The following MANBA variants were observed in gnomAD, a reference collection of about 807,000 sequenced individuals.
The protein encoded by MANBA is beta-mannosidase.
Under a neutral mutation model 111.1 loss-of-function variants are expected in MANBA, and 83 were observed. The observed-to-expected ratio is 0.75, with a 90% CI of 0.63 to 0.90. The LOEUF (loss-of-function observed/expected upper bound fraction) is 0.90. Ranked by LOEUF, MANBA falls within the 40% of genes least tolerant of loss-of-function variation. The pLI, the probability that MANBA is intolerant of heterozygous loss-of-function variation, is 0.00. For synonymous variants in MANBA, 370 were observed against 378.7 expected (o/e 0.98, Z 0.27); for missense variants, 1,036 against 1,069.0 (o/e 0.97, Z 0.43).
At position 102,714,553 on chromosome 4, in the gene MANBA, A is replaced by T. The variant is rs150166954; in HGVS notation, c.558T>A (p.Cys186Ter). ...CHVNFVRKEQ[C>*]SFSWDWGPSF... ...AAGGCCCCCAGTCCCAACTAAAGGA[A>T]CATTGCTCCTGCAATTTCAAGGAGA... is the stretch of plus-strand genomic sequence containing the variant. The change falls in exon 5 of 17, where the codon TGT becomes TGA. Residue 186 changes from cysteine to a stop codon, truncating the protein, a stop_gained. Coordinates refer to ENST00000647097, the MANE Select transcript of MANBA (RefSeq NM_005908.4). LOFTEE classifies it high-confidence loss of function. 3.7e-6 allele frequency: 6 copies of T among 1,608,398 alleles called. No homozygotes were observed. The highest frequency in any genetic ancestry group is 5.1e-6 in the Non-Finnish European group (6 of 1,174,792).
chr4:102,728,902 G>C (rs1722916375), intron 1 of MANBA: 3 of 752,794 alleles, frequency 4.0e-6, no homozygotes, highest in Non-Finnish European at 7.1e-6. Context: ...CACAGGCCGA[G>C]CTCAGATCAC....
intron 5 of MANBA, among the ~76,000 whole-genome samples, chr4:102,691,264 A>C (rs1480883812): frequency 1.3e-5 from 2 of 152,138 alleles, no homozygotes; most frequent in Non-Finnish European, 2.9e-5. Flanking sequence ...AAATGTAGAT[A>C]ATTTATCCAA....
rs536117119 is a variant in MANBA, at chr4:102,673,423, G to A, written c.1112+496C>T. ...CTTGGGAGGCTGAGGCAGGAGAATCGCTTGAGCCTGGGAGGCGGAGGTTGC... is the reference window on the plus strand; with the variant it reads ...CTTGGGAGGCTGAGGCAGGAGAATCACTTGAGCCTGGGAGGCGGAGGTTGC... On this transcript the variant is annotated intron_variant, in intron 8 of 16. Transcript: ENST00000647097. Among the ~76,000 whole-genome samples, 39 of 151,718 alleles carry A rather than the reference G, an allele frequency of 2.6e-4. 1 individual carries two copies. Among genetic ancestry groups the A allele is most frequent in the South Asian group, 2.1e-3 (10 of 4,794 alleles).
intron 4 of MANBA, among the ~76,000 whole-genome samples, chr4:102,715,304 T>C (rs1023923460): frequency 6.6e-6 from 1 of 151,946 alleles, no homozygotes; most frequent in Admixed American, 6.6e-5. Context: ...ACAAGTGAGC[T>C]CAGAAACAGA....
intron 5 of MANBA, among the ~76,000 whole-genome samples, chr4:102,698,932 A>G (rs1372360021): frequency 2.1e-4 from 32 of 152,306 alleles, no homozygotes; most frequent in Middle Eastern, 3.4e-3. Context: ...CATTGAATCT[A>G]TAAATTACCT....
At chr4:102,728,738 G>T in intron 1 of MANBA, 2 of 839,922 alleles carry the variant, frequency 2.4e-6, no homozygotes, top group South Asian at 1.5e-5. Context: ...AGGGGCTGCC[G>T]CAGCTGTTCA....
In MANBA at chr4:102,701,195, T is replaced by C. The variant is rs1733021258; in HGVS notation, c.674-10424A>G. On this transcript the variant is annotated intron_variant, in intron 5 of 16. Coordinates refer to ENST00000647097, the MANE Select transcript of MANBA (RefSeq NM_005908.4). ...TAGGATTGCAACCCCTGCCTTTTTTTGTTTTCCATTTGCTTGGTAGATCTT... is the reference window on the plus strand; with the variant it reads ...TAGGATTGCAACCCCTGCCTTTTTTCGTTTTCCATTTGCTTGGTAGATCTT... Among the ~76,000 whole-genome samples, 4 of 151,906 alleles carry C rather than the reference T, an allele frequency of 2.6e-5. No homozygotes were observed. The South Asian group carries it at 8.3e-4, about 32-fold the overall frequency.
intron 13 of MANBA, among the ~76,000 whole-genome samples, chr4:102,643,737 G>C (rs569014939): frequency 2.6e-5 from 4 of 152,104 alleles, no homozygotes; most frequent in African/African-American, 9.6e-5. Context: ...TTTCAATTGG[G>C]TTGTCTTTTT....
intron 10 of MANBA, chr4:102,666,038 G>C (rs886904816): frequency 6.6e-6 from 1 of 152,160 alleles, no homozygotes; most frequent in Non-Finnish European, 1.5e-5. Flanking sequence ...GCCCAAGAAA[G>C]GGACAGCTGC....
At chr4:102,730,514 A>C in intron 1 of MANBA, 1 of 531,004 alleles carries the variant, frequency 1.9e-6, no homozygotes, top group South Asian at 1.4e-5. Flanking sequence ...AACAACATTG[A>C]TTCTACATCT....
intron 1 of MANBA, among the ~76,000 whole-genome samples, chr4:102,749,113 A>AT (rs1723694037): frequency 6.6e-6 from 1 of 152,198 alleles, no homozygotes; most frequent in Admixed American, 6.5e-5. Flanking sequence ...AGAAAAAAAA[A>AT]CAAAAAACTG....
intron 13 of MANBA, among the ~76,000 whole-genome samples, chr4:102,643,949 G>A (rs1729992272): frequency 6.6e-6 from 1 of 151,888 alleles, no homozygotes; most frequent in African/African-American, 2.4e-5. Flanking sequence ...TTTCTTTGAT[G>A]GCAAATTTAA....
At chr4:102,747,943 G>A in intron 1 of MANBA, among the ~76,000 whole-genome samples, 1 of 152,348 alleles carries the variant, frequency 6.6e-6, no homozygotes, top group African/African-American at 2.4e-5. Context: ...AAGTGTAGCG[G>A]TGGGGTTCCC....
intron 1 of MANBA, among the ~76,000 whole-genome samples, chr4:102,755,695 T>C (rs1383310115): frequency 2.0e-5 from 3 of 152,156 alleles, no homozygotes; most frequent in African/African-American, 4.8e-5. Flanking sequence ...ACCTACAGAA[T>C]AGGAGAAAAT....
At chr4:102,716,199 C>T (rs1722322182) in intron 4 of MANBA, among the ~76,000 whole-genome samples, 1 of 149,894 alleles carries the variant, frequency 6.7e-6, no homozygotes, top group African/African-American at 2.5e-5. Flanking sequence ...ATCCCAGCTA[C>T]TCAAGAGGCT....
In MANBA at chr4:102,714,447, G is replaced by A. The variant is rs764682779; in HGVS notation, c.664C>T (p.Pro222Ser). Residue 222 changes from proline to serine, a missense_variant, in exon 5 of 17, where the codon CCA becomes TCA. Coordinates refer to ENST00000647097, the MANE Select transcript of MANBA (RefSeq NM_005908.4). ...ICHLNYFTFS[P>S]IYDKSAQEWN... is the part of the protein sequence containing the mutation. ...ACATCTTTCAGCTTACCATATATTG[G>A]GGAAAATGTGAAGTAGTTCAGGTGA... The A allele has an allele frequency of 6.2e-7, 1 of 1,604,686 alleles. No homozygotes were observed. Among genetic ancestry groups the A allele is most frequent in the Non-Finnish European group, 8.5e-7 (1 of 1,171,706 alleles).
At chr4:102,698,968 A>G (rs1490399170) in intron 5 of MANBA, among the ~76,000 whole-genome samples, 3 of 151,684 alleles carry the variant, frequency 2.0e-5, no homozygotes, top group Non-Finnish European at 2.9e-5. Flanking sequence ...TTTTCACAAT[A>G]TTGATTCTTC....
intron 1 of MANBA, among the ~76,000 whole-genome samples, chr4:102,743,446 T>C (rs969270786): frequency 6.6e-6 from 1 of 152,216 alleles, no homozygotes; most frequent in Non-Finnish European, 1.5e-5. Context: ...AGCTATCCAC[T>C]TTCGGGTGGT....
At chr4:102,668,935 A>G in intron 10 of MANBA, 28 bp downstream of exon 10, 1 of 1,553,952 alleles carries the variant, frequency 6.4e-7, no homozygotes, top group Non-Finnish European at 8.9e-7. Flanking sequence ...TATTTGTTTT[A>G]TTTCTTCTTG....
Sources: allele counts gnomAD v4.1 joint callset (sites outside exome capture counted in the v4.1 genomes callset), GRCh38; gene constraint gnomAD v4.1.1; transcripts MANE v1.5; gene names NCBI Gene and HGNC (gene_info 2026-07-23, HGNC 2026-07-21).